Variants in LHPP observed in about 807,000 individuals in gnomAD.
LHPP encodes the protein hLHPP.
Under a neutral mutation model 30.3 loss-of-function variants are expected in LHPP, and 24 were observed. The observed-to-expected ratio is 0.79, with a 90% CI of 0.57 to 1.11. The LOEUF (loss-of-function observed/expected upper bound fraction) is 1.11. Among genes scored for constraint, LHPP ranks in the 50% most tolerant of loss-of-function variants. The pLI, the probability that LHPP is intolerant of heterozygous loss-of-function variation, is 0.00. For missense variants in LHPP, 356 were observed against 367.2 expected (o/e 0.97, Z 0.25); for synonymous variants, 150 against 157.1 (o/e 0.95, Z 0.34).
At chr10:124,559,148 C>T (rs556233640) in intron 6 of LHPP, among the ~76,000 whole-genome samples, 4 of 152,232 alleles carry the variant, frequency 2.6e-5, no homozygotes, top group South Asian at 4.2e-4. Flanking sequence ...GCAGGTGCAG[C>T]GGGCAAGGTT....
intron 6 of LHPP, among the ~76,000 whole-genome samples, chr10:124,526,779 C>T (rs1050676688): frequency 5.9e-5 from 9 of 152,218 alleles, no homozygotes; most frequent in Non-Finnish European, 1.2e-4. Flanking sequence ...CCCCAGAAGT[C>T]CCATCGTTGC....
rs1356319496 is a variant in LHPP, at chr10:124,484,324, A to G, written c.311A>G (p.Asp104Gly). The G allele has an allele frequency of 6.2e-7, 1 of 1,609,546 alleles. No individual in the cohort carries two copies. The highest frequency in any genetic ancestry group is 8.5e-7 in the Non-Finnish European group (1 of 1,176,426). The part of the protein sequence containing the change: ...QGLRPYLLIH[D>G]GVRSEFDQID... ...CTGCGACCATACCTGCTCATCCATG[A>G]CGGTAGGCCTGTCGGACACCAGGAC... Residue 104 changes from aspartate (D) to glycine (G), a missense_variant and splice_region_variant, in exon 2 of 7, where the codon GAC becomes GGC. By Grantham distance (94) the Asp-to-Gly change is moderately conservative. Transcript: ENST00000368842.
At chr10:124,529,666 T>C (rs1451229491) in intron 6 of LHPP, among the ~76,000 whole-genome samples, 1 of 152,082 alleles carries the variant, frequency 6.6e-6, no homozygotes, top group Non-Finnish European at 1.5e-5. Flanking sequence ...GCCACAGCCA[T>C]CCGTGAGGGG....
At chr10:124,487,366 T>A (rs1384422480) in intron 2 of LHPP, among the ~76,000 whole-genome samples, 1 of 152,182 alleles carries the variant, frequency 6.6e-6, no homozygotes, top group Non-Finnish European at 1.5e-5. Context: ...GACCTTGGTG[T>A]TATCAGTCTT....
chr10:124,569,150 C>G (rs1038677010), intron 6 of LHPP, among the ~76,000 whole-genome samples: 1 of 152,180 alleles, frequency 6.6e-6, no homozygotes, highest in Non-Finnish European at 1.5e-5. Flanking sequence ...GGGTAAGGCC[C>G]GGGATCAGGA....
chr10:124,504,880 C>T (rs1471784770), intron 5 of LHPP, among the ~76,000 whole-genome samples: 5 of 152,114 alleles, frequency 3.3e-5, no homozygotes, highest in East Asian at 1.9e-4. Flanking sequence ...TTGTCGTTTT[C>T]GGATGCTGGG....
rs752115 is a variant in LHPP, at chr10:124,600,365, C to T, written c.717-12899C>T. The stretch of plus-strand genomic sequence containing the variant: ...CGCCAAAGGCACAGAGGGCTGCAGG[C>T]GACTGGGGCAGGGTGGGGGGCTCGC... On this transcript the variant is annotated intron_variant, in intron 6 of 6. Coordinates refer to ENST00000368842, the MANE Select transcript of LHPP (RefSeq NM_022126.4). 3.1e-3 allele frequency among the ~76,000 whole-genome samples: 479 copies of T among 152,358 alleles called. 4 individuals are homozygous for T. Among genetic ancestry groups the T allele is most frequent in the African/African-American group, 0.01 (436 of 41,582 alleles).
In LHPP at chr10:124,596,889, G is replaced by A. The variant is rs1589705429; in HGVS notation, c.717-16375G>A. Among the ~76,000 whole-genome samples the A allele has an allele frequency of 1.3e-5, 2 of 152,354 alleles. No individual in the cohort carries two copies. Among genetic ancestry groups the A allele is most frequent in the Non-Finnish European group, 2.9e-5 (2 of 68,040 alleles). On this transcript the variant is annotated intron_variant, in intron 6 of 6. Coordinates refer to ENST00000368842, the MANE Select transcript of LHPP (RefSeq NM_022126.4). This position sits in a 1 kb window ranked among gnomAD's most constrained non-coding sequence, Gnocchi z 4.6. ...GCTGGTTAAGTGTGTCTGTGAGGGT[G>A]TTGCCAGAGGAGACTGACTTTTGAG...
intron 6 of LHPP, among the ~76,000 whole-genome samples, chr10:124,581,081 C>A (rs1948737341): frequency 6.6e-6 from 1 of 152,188 alleles, no homozygotes; most frequent in South Asian, 2.1e-4. Context: ...ATCTCTGTAA[C>A]CCTAAGCAAA....
rs1948854880 is a variant in LHPP, at chr10:124,589,793, T to A, written c.717-23471T>A. On this transcript the variant is annotated intron_variant, in intron 6 of 6. Coordinates refer to ENST00000368842, the MANE Select transcript of LHPP (RefSeq NM_022126.4). The stretch of plus-strand genomic sequence containing the variant: ...TCGGCTCTCGTTCAGGCCTGCAGGG[T>A]CCCTGGTGCCGCAGCCCCTCTGGTT... Among the ~76,000 whole-genome samples the A allele has an allele frequency of 2.6e-5, 4 of 152,122 alleles. No homozygotes were observed. The South Asian group carries it at 8.3e-4, about 32-fold the overall frequency.
At position 124,613,503 on chromosome 10, in the gene LHPP, A is replaced by C. The variant is rs1589723347; in HGVS notation, c.*143A>C. 1 of 617,068 alleles carries C rather than the reference A, an allele frequency of 1.6e-6. No individual in the cohort carries two copies. 38.2% of individuals were successfully genotyped at this position (617,068 alleles called of 1,614,324 possible). A position where few individuals can be genotyped will look rare whatever the true frequency, so the allele number is the denominator to read the frequency against. ...TCTCCTCCACCCCTGCCTCCCCTCC[A>C]CCTGCCCCAGTGCCCAGACCAACCA... is the stretch of plus-strand genomic sequence containing the variant. On this transcript the variant is annotated 3_prime_UTR_variant, in exon 7 of 7. Coordinates refer to ENST00000368842, the MANE Select transcript of LHPP (RefSeq NM_022126.4).
In LHPP at chr10:124,576,933, G is replaced by A. The variant is rs1214996448; in HGVS notation, c.717-36331G>A. The stretch of plus-strand genomic sequence containing the variant: ...GGGACTTGGCCCGCCATGATCCTGA[G>A]TGCACAGGTACATTGCTCCGCCCTC... On this transcript the variant is annotated intron_variant, in intron 6 of 6. Coordinates refer to ENST00000368842, the MANE Select transcript of LHPP (RefSeq NM_022126.4). This position sits in a 1 kb window ranked among gnomAD's most constrained non-coding sequence, Gnocchi z 4.2. 6.6e-6 allele frequency among the ~76,000 whole-genome samples: 1 copy of A among 152,192 alleles called. No individual in the cohort carries two copies. The highest frequency in any genetic ancestry group is 1.5e-5 in the Non-Finnish European group (1 of 68,042).
chr10:124,580,867 C>T (rs541233701), intron 6 of LHPP, among the ~76,000 whole-genome samples: 9 of 152,106 alleles, frequency 5.9e-5, no homozygotes, highest in Non-Finnish European at 1.2e-4. Context: ...TACAGGCACC[C>T]GCCACCACAC....
intron 6 of LHPP, among the ~76,000 whole-genome samples, chr10:124,601,449 C>T (rs1949019196): frequency 6.6e-6 from 1 of 152,162 alleles, no homozygotes; most frequent in African/African-American, 2.4e-5. Context: ...GAGCACTTGC[C>T]CCACACTCCA....
At chr10:124,563,018 C>T (rs1948421079) in intron 6 of LHPP, among the ~76,000 whole-genome samples, 1 of 151,686 alleles carries the variant, frequency 6.6e-6, no homozygotes. Context: ...TCAGACATTG[C>T]TGGTGAGAAG....
rs1302458344 is a variant in LHPP at position 124,541,161 on chromosome 10, A to G, written c.716+23890A>G. Among the ~76,000 whole-genome samples, 1 of 152,182 alleles carries G rather than the reference A, an allele frequency of 6.6e-6. No individual in the cohort carries two copies. Among genetic ancestry groups the G allele is most frequent in the African/African-American group, 2.4e-5 (1 of 41,442 alleles). ...GTGCCTGAGTCCTGGAGTGCGATGTATTCTGAGCCACCCAGAATGGTGAGT... is the reference window on the plus strand; with the variant it reads ...GTGCCTGAGTCCTGGAGTGCGATGTGTTCTGAGCCACCCAGAATGGTGAGT... On this transcript the variant is annotated intron_variant, in intron 6 of 6. Transcript: ENST00000368842. This position sits in a 1 kb window ranked among gnomAD's most constrained non-coding sequence, Gnocchi z 4.2.
At chr10:124,613,038 G>A (rs1447084866) in intron 6 of LHPP, 1 of 581,460 alleles carries the variant, frequency 1.7e-6, no homozygotes, top group African/African-American at 1.9e-5. Flanking sequence ...TGGGAGACAG[G>A]TTTGGGGAGG....
intron 6 of LHPP, among the ~76,000 whole-genome samples, chr10:124,557,967 G>A (rs1037422934): frequency 6.6e-6 from 1 of 152,156 alleles, no homozygotes; most frequent in Non-Finnish European, 1.5e-5. Flanking sequence ...TCATGTCAGC[G>A]CGTCCTGACA....
At chr10:124,477,562 C>A (rs1003505034) in intron 1 of LHPP, among the ~76,000 whole-genome samples, 1 of 152,156 alleles carries the variant, frequency 6.6e-6, no homozygotes, top group African/African-American at 2.4e-5. Flanking sequence ...CTGTGAATTT[C>A]TCCATTACCA....
Sources: allele counts gnomAD v4.1 joint callset (sites outside exome capture counted in the v4.1 genomes callset), GRCh38; gene constraint gnomAD v4.1.1; non-coding constraint Gnocchi (gnomAD v3.1); transcripts MANE v1.5; gene names NCBI Gene and HGNC (gene_info 2026-07-23, HGNC 2026-07-21).